Variants in TSC22D1 observed in about 807,000 individuals in gnomAD.
The protein encoded by TSC22D1 is TSC22 domain family protein 1.
A neutral mutation model predicts 74.2 loss-of-function variants in TSC22D1; 9 were observed. That is an observed-to-expected ratio of 0.12 (90% confidence interval 0.07 to 0.21). TSC22D1 has a LOEUF of 0.21. TSC22D1 is among the 10% of genes least tolerant of loss of function. The probability of loss-of-function intolerance (pLI) is 1.00; values close to 1 mark genes in which losing one functional copy is unlikely to be tolerated. For synonymous variants in TSC22D1, 586 were observed against 492.5 expected, an observed-to-expected ratio of 1.19 and a Z score of -2.51; for missense variants, 1,427 against 1,304.7, an observed-to-expected ratio of 1.09 and a Z score of -1.44.
At chr13:44,494,150 C>T (rs906679826) in intron 1 of TSC22D1, among the ~76,000 whole-genome samples, 9 of 151,778 alleles carry the variant, frequency 5.9e-5, no homozygotes, top group African/African-American at 1.7e-4. Context: ...CCAAGGCAGG[C>T]GGATCACTTG....
intron 1 of TSC22D1, among the ~76,000 whole-genome samples, chr13:44,457,536 G>A (rs1206919264): frequency 1.3e-5 from 2 of 148,534 alleles, no homozygotes; most frequent in South Asian, 2.1e-4. Context: ...TAAAAGAAAC[G>A]CCTATTGGTA....
chr13:44,554,490 G>A (rs904636142), intron 1 of TSC22D1, among the ~76,000 whole-genome samples: 1 of 151,882 alleles, frequency 6.6e-6, no homozygotes, highest in African/African-American at 2.4e-5. Context: ...TGTACTAGAC[G>A]AAACTGTTGC....
intron 1 of TSC22D1, among the ~76,000 whole-genome samples, chr13:44,446,556 G>A (rs537791908): frequency 3.3e-5 from 5 of 152,210 alleles, no homozygotes; most frequent in African/African-American, 7.2e-5. Context: ...CTTGGGCAAC[G>A]GGATTATTAG....
intron 1 of TSC22D1, among the ~76,000 whole-genome samples, chr13:44,476,065 A>G (rs964319915): frequency 2.1e-4 from 32 of 152,356 alleles, no homozygotes; most frequent in African/African-American, 7.7e-4. Flanking sequence ...TATTTGGAAG[A>G]GGCACTGGTA....
At chr13:44,435,471 C>G (rs948180476) in intron 2 of TSC22D1, among the ~76,000 whole-genome samples, 22 of 152,190 alleles carry the variant, frequency 1.4e-4, no homozygotes, top group African/African-American at 5.1e-4. Context: ...GTGAGAAGAG[C>G]CACAGGCGCT....
intron 1 of TSC22D1, among the ~76,000 whole-genome samples, chr13:44,483,399 A>C (rs1207577486): frequency 6.6e-6 from 1 of 152,192 alleles, no homozygotes; most frequent in South Asian, 2.1e-4. Flanking sequence ...CGGTGGCTCA[A>C]GCCTGTAATC....
intron 1 of TSC22D1, among the ~76,000 whole-genome samples, chr13:44,572,114 G>A (rs75840389): frequency 0.023 from 3,563 of 151,940 alleles, 120 homozygotes; most frequent in African/African-American, 0.076. Context: ...AAATTCCACC[G>A]TGAAAATGAT....
chr13:44,435,914 G>GC, intron 2 of TSC22D1, 130 bp downstream of exon 2: 1 of 1,003,676 alleles, frequency 1.0e-6, no homozygotes, highest in Non-Finnish European at 1.5e-6. Flanking sequence ...AATGGAGACA[G>GC]CGCCGGCATT....
At chr13:44,576,703 C>T (rs1884277391), upstream of TSC22D1, 1 of 152,914 alleles carries the variant, frequency 6.5e-6, no homozygotes, top group Admixed American at 6.6e-5. Flanking sequence ...TGAGGAAACG[C>T]TGGCCGCGGC....
chr13:44,471,600 TAA>T (rs1279746636), intron 1 of TSC22D1, among the ~76,000 whole-genome samples: 1 of 152,210 alleles, frequency 6.6e-6, no homozygotes, highest in Non-Finnish European at 1.5e-5. Flanking sequence ...TAAATAGACT[TAA>T]GTTTCTTAAC....
At chr13:44,541,114 G>A (rs1218784306) in intron 1 of TSC22D1, among the ~76,000 whole-genome samples, 1 of 152,154 alleles carries the variant, frequency 6.6e-6, no homozygotes, top group African/African-American at 2.4e-5. Context: ...AACGAGGATT[G>A]TGTTCTCTTG....
chr13:44,512,461 G>A (rs1187255576), intron 1 of TSC22D1, among the ~76,000 whole-genome samples: 1 of 151,856 alleles, frequency 6.6e-6, no homozygotes, highest in Non-Finnish European at 1.5e-5. Context: ...GAGCCACCGC[G>A]CCCAGCCTTG....
At chr13:44,549,591 G>T (rs564614763) in intron 1 of TSC22D1, among the ~76,000 whole-genome samples, 1 of 151,896 alleles carries the variant, frequency 6.6e-6, no homozygotes, top group South Asian at 2.1e-4. Flanking sequence ...TAAGCAACAT[G>T]GTGAAATCCT....
chr13:44,529,525 T>C (rs1350100867), intron 1 of TSC22D1, among the ~76,000 whole-genome samples: 1 of 152,030 alleles, frequency 6.6e-6, no homozygotes, highest in Non-Finnish European at 1.5e-5. Flanking sequence ...CCCCTAATAT[T>C]GGGAACAAGA....
chr13:44,526,865 C>G (rs1202258612), intron 1 of TSC22D1, among the ~76,000 whole-genome samples: 2 of 151,072 alleles, frequency 1.3e-5, no homozygotes, highest in South Asian at 4.2e-4. Flanking sequence ...AAGATAAATA[C>G]CAAAAATCTA....
intron 1 of TSC22D1, among the ~76,000 whole-genome samples, chr13:44,469,618 C>T (rs1302347021): frequency 1.3e-5 from 2 of 152,060 alleles, no homozygotes; most frequent in African/African-American, 4.8e-5. Flanking sequence ...TTTTAAAGCA[C>T]GAATCTTGTA....
chr13:44,433,937 C>T lies in TSC22D1; in HGVS notation c.*689G>A, dbSNP rs1874277582. The T allele has an allele frequency of 6.7e-7, 1 of 1,495,242 alleles. No individual in the cohort carries two copies. The highest frequency in any genetic ancestry group is 8.9e-7 in the Non-Finnish European group (1 of 1,123,766). The allele number at this position is 1,495,242 out of a possible 1,614,324, so 92.6% of individuals were successfully genotyped here. A position where few individuals can be genotyped will look rare whatever the true frequency, so the allele number is the denominator to read the frequency against. ...ATCTGTACAACCTAAATAGTAGTTA[C>T]AGTCCTCTATTGTACAAAATAGTTA... is the stretch of plus-strand genomic sequence containing the variant. On this transcript the variant is annotated 3_prime_UTR_variant, in exon 3 of 3. Coordinates refer to ENST00000458659, the MANE Select transcript of TSC22D1 (RefSeq NM_183422.4).
intron 1 of TSC22D1, among the ~76,000 whole-genome samples, chr13:44,444,320 AAAAAG>A: frequency 7.9e-6 from 1 of 126,286 alleles, no homozygotes; most frequent in South Asian, 2.4e-4. Context: ...AAAAGAAAAG[AAAAAG>A]AAAAAAAAAC....
intron 1 of TSC22D1, among the ~76,000 whole-genome samples, chr13:44,518,681 A>G (rs1374663670): frequency 1.3e-5 from 2 of 152,188 alleles, no homozygotes; most frequent in East Asian, 3.8e-4. Flanking sequence ...AATATTATCC[A>G]AATTACTGGT....
Sources: gnomAD v4.1 joint callset for allele counts (sites outside exome capture counted in the v4.1 genomes callset) on GRCh38, gnomAD v4.1.1 for gene constraint, MANE v1.5 for transcripts, NCBI Gene and HGNC (gene_info 2026-07-23, HGNC 2026-07-21) for gene names.